WDR20: variants seen among roughly 807,000 people sequenced by gnomAD.
WDR20 encodes the protein WD repeat-containing protein 20.
A neutral mutation model predicts 38.7 loss-of-function variants in WDR20; 3 were observed. The observed-to-expected ratio is 0.08, with a 90% CI of 0.04 to 0.20. The LOEUF (loss-of-function observed/expected upper bound fraction) is 0.20, where lower values mean the gene tolerates loss of function less well. WDR20 is among the 10% of genes least tolerant of loss of function. WDR20 has a pLI of 1.00. For missense variants in WDR20, 559 were observed against 727.7 expected, an observed-to-expected ratio of 0.77 and a Z score of 2.67; for synonymous variants, 298 against 285.6, an observed-to-expected ratio of 1.04 and a Z score of -0.44.
chr14:102,189,301 G>C (rs1425333208), intron 1 of WDR20, among the ~76,000 whole-genome samples: 3 of 152,314 alleles, frequency 2.0e-5, no homozygotes, highest in Non-Finnish European at 2.9e-5. Context: ...CGAGGCTTTG[G>C]TAACTAGTTG....
chr14:102,213,456 G>A (rs1285378514), downstream of WDR20: 16 of 985,344 alleles, frequency 1.6e-5, no homozygotes, highest in Non-Finnish European at 1.9e-5. Flanking sequence ...CTTAGCTGGG[G>A]ACTGAGGGTA....
At position 102,139,969 on chromosome 14, in the gene WDR20, C is replaced by A. The variant is rs1473474010; in HGVS notation, c.46C>A (p.Gln16Lys). 1 of 1,614,074 alleles carries A rather than the reference C, an allele frequency of 6.2e-7. No homozygotes were observed. The highest frequency in any genetic ancestry group is 8.5e-7 in the Non-Finnish European group (1 of 1,180,028). Reference sequence around the variant, plus strand: ...GAAGGAGATGAACGAGATTAAGACCCAATTCACCACCCGGGAAGGTCTGTA... The same window carrying A: ...GAAGGAGATGAACGAGATTAAGACCAAATTCACCACCCGGGAAGGTCTGTA... ...GGKEMNEIKT[Q>K]FTTREGLYKL... The change falls in exon 1 of 3, where the codon CAA (glutamine) becomes AAA (lysine). Residue 16 changes from glutamine to lysine, a missense_variant. Gln to Lys is a moderately conservative substitution (Grantham distance 53, BLOSUM62 1). Coordinates refer to ENST00000342702, the MANE Select transcript of WDR20 (RefSeq NM_144574.4).
At chr14:102,151,178 T>C (rs2055683057) in intron 1 of WDR20, among the ~76,000 whole-genome samples, 1 of 139,796 alleles carries the variant, frequency 7.2e-6, no homozygotes, top group South Asian at 2.7e-4. Context: ...GGGGAATTTT[T>C]TTTTTTTTTT....
intron 1 of WDR20, among the ~76,000 whole-genome samples, chr14:102,188,355 C>T (rs1282096899): frequency 6.6e-6 from 1 of 152,180 alleles, no homozygotes; most frequent in African/African-American, 2.4e-5. Flanking sequence ...AATAGCCCCT[C>T]TCGGGTTCAA....
At chr14:102,158,563 T>C (rs1235671257) in intron 1 of WDR20, among the ~76,000 whole-genome samples, 1 of 152,092 alleles carries the variant, frequency 6.6e-6, no homozygotes. Flanking sequence ...CCCAAAGTGT[T>C]GAGATTACAG....
intron 2 of WDR20, among the ~76,000 whole-genome samples, chr14:102,199,195 T>G (rs998957674): frequency 6.6e-6 from 1 of 151,726 alleles, no homozygotes; most frequent in African/African-American, 2.4e-5. Flanking sequence ...CTCTGCCACT[T>G]TCTGCTTGCA....
At chr14:102,223,985 CAGTG>C (rs1411498361), downstream of WDR20, among the ~76,000 whole-genome samples, 20 of 151,826 alleles carry the variant, frequency 1.3e-4, no homozygotes, top group East Asian at 3.9e-4. Flanking sequence ...ACAGTTTCTA[CAGTG>C]AGTATGAACA....
At chr14:102,212,479 G>A (rs1310432881), downstream of WDR20, 2 of 1,534,344 alleles carry the variant, frequency 1.3e-6, no homozygotes, top group African/African-American at 2.7e-5. Context: ...ACCACTCTGT[G>A]TCCACTCTGC....
At chr14:102,161,145 T>TTTTTG (rs2058652182) in intron 1 of WDR20, among the ~76,000 whole-genome samples, 1 of 48,218 alleles carries the variant, frequency 2.1e-5, no homozygotes, top group African/African-American at 7.6e-5. Flanking sequence ...TATATATATT[T>TTTTTG]TTTTTTTTTT....
chr14:102,160,899 G>C (rs1343718656), intron 1 of WDR20, among the ~76,000 whole-genome samples: 2 of 130,026 alleles, frequency 1.5e-5, no homozygotes, highest in African/African-American at 5.7e-5. Context: ...AGTGAGCCGA[G>C]ATCGCGCCAC....
At chr14:102,215,731 G>A (rs184916927), downstream of WDR20, among the ~76,000 whole-genome samples, 431 of 152,288 alleles carry the variant, frequency 2.8e-3, 1 homozygote, top group Non-Finnish European at 4.6e-3. Flanking sequence ...CTGGCGTGAG[G>A]TTGTCCTGCT....
At chr14:102,197,432 G>T (rs1425840188) in intron 2 of WDR20, among the ~76,000 whole-genome samples, 7 of 152,182 alleles carry the variant, frequency 4.6e-5, no homozygotes, top group Admixed American at 2.0e-4. Flanking sequence ...AAGTTCACTG[G>T]GGGAGTTCCA....
intron 1 of WDR20, chr14:102,193,357 G>A (rs10140486): frequency 0.011 from 12,962 of 1,211,240 alleles, 320 homozygotes; most frequent in African/African-American, 0.087. Context: ...TCCACTGGCC[G>A]CTTTTCTCCT....
downstream of WDR20, chr14:102,212,688 C>A: frequency 6.6e-7 from 1 of 1,507,890 alleles, no homozygotes; most frequent in Non-Finnish European, 8.9e-7. Context: ...TGGGGAGGGC[C>A]TGGGGAGGGG....
chr14:102,179,876 G>C, intron 1 of WDR20, among the ~76,000 whole-genome samples: 1 of 152,136 alleles, frequency 6.6e-6, no homozygotes, highest in Middle Eastern at 3.2e-3. Context: ...CAGTTACGTC[G>C]GGACGGTGGC....
At chr14:102,196,104 C>T (rs1313757536) in intron 2 of WDR20, among the ~76,000 whole-genome samples, 2 of 152,192 alleles carry the variant, frequency 1.3e-5, no homozygotes, top group African/African-American at 4.8e-5. Flanking sequence ...TTCAAATTGA[C>T]AAATGGCAGT....
downstream of WDR20, among the ~76,000 whole-genome samples, chr14:102,215,389 C>T (rs1282301826): frequency 6.6e-6 from 1 of 152,148 alleles, no homozygotes; most frequent in Non-Finnish European, 1.5e-5. Flanking sequence ...GCTGGACATC[C>T]GACATTCTGT....
intron 1 of WDR20, among the ~76,000 whole-genome samples, chr14:102,148,897 C>T (rs996525048): frequency 6.6e-6 from 1 of 152,072 alleles, no homozygotes; most frequent in Non-Finnish European, 1.5e-5. Context: ...CGCGGTGGCT[C>T]ACGCTTGTAA....
At chr14:102,160,907 C>A (rs370781371) in intron 1 of WDR20, among the ~76,000 whole-genome samples, 2 of 129,910 alleles carry the variant, frequency 1.5e-5, no homozygotes, top group African/African-American at 5.7e-5. Context: ...GAGATCGCGC[C>A]ACTGCATTCC....
Sources: allele counts gnomAD v4.1 joint callset (sites outside exome capture counted in the v4.1 genomes callset), GRCh38; gene constraint gnomAD v4.1.1; transcripts MANE v1.5; gene names NCBI Gene and HGNC (gene_info 2026-07-23, HGNC 2026-07-21).